The following PCDHA9 variants were observed in gnomAD, a reference collection of about 807,000 sequenced individuals.
The protein encoded by PCDHA9 is protocadherin alpha 9.
In PCDHA9, 62 loss-of-function variants were observed where a neutral mutation model predicts 62.0. The observed-to-expected ratio is 1.00, with a 90% CI of 0.81 to 1.23. The LOEUF (loss-of-function observed/expected upper bound fraction) is 1.23, where lower values mean the gene tolerates loss of function less well. PCDHA9 is among the 50% of genes most tolerant of loss of function. The probability of loss-of-function intolerance (pLI) is 0.00; values close to 1 mark genes in which losing one functional copy is unlikely to be tolerated. For missense variants in PCDHA9, 1,205 were observed against 1,249.8 expected (o/e 0.96, Z 0.54); for synonymous variants, 557 against 567.6 (o/e 0.98, Z 0.27).
At chr5:140,949,336 A>G (rs1585327315) in intron 1 of PCDHA9, among the ~76,000 whole-genome samples, 1 of 151,920 alleles carries the variant, frequency 6.6e-6, no homozygotes, top group South Asian at 2.1e-4. Context: ...ATTGTTATCC[A>G]GATTTTCTGT....
In PCDHA9 at chr5:140,968,167, A is replaced by G. The variant is rs782252124; in HGVS notation, c.2395-10782A>G. 1.3e-4 allele frequency: 217 copies of G among 1,613,958 alleles called. 1 individual carries two copies. The highest frequency in any genetic ancestry group is 9.3e-6 in the Non-Finnish European group (11 of 1,180,038). On this transcript the variant is annotated intron_variant, in intron 1 of 3. Transcript: ENST00000532602. ...TCTCTGACATCAATGACAATCCACC[A>G]AGCTTCCTGGAGGACTCCTATTCCA...
At chr5:140,924,906 TA>T (rs1284498744) in intron 1 of PCDHA9, among the ~76,000 whole-genome samples, 1 of 55,776 alleles carries the variant, frequency 1.8e-5, no homozygotes, top group African/African-American at 8.7e-5. Flanking sequence ...AAAAAAAAAA[TA>T]AAATAAAATA....
chr5:140,862,092 C>G (rs987479365), intron 1 of PCDHA9: 1 of 156,922 alleles, frequency 6.4e-6, no homozygotes, highest in African/African-American at 2.4e-5. Context: ...AGCCCTTTTT[C>G]GCATAGATTC....
At chr5:140,967,511 G>T (rs1402187059) in intron 1 of PCDHA9, 2 of 1,612,876 alleles carry the variant, frequency 1.2e-6, no homozygotes, top group Non-Finnish European at 8.5e-7. Flanking sequence ...GCGTGTCCTG[G>T]ACACTAACGA....
intron 1 of PCDHA9, among the ~76,000 whole-genome samples, chr5:140,942,138 T>C (rs1269073266): frequency 1.3e-5 from 2 of 152,240 alleles, no homozygotes; most frequent in African/African-American, 4.8e-5. Flanking sequence ...TTTGTGGCTT[T>C]ACTTGACATA....
chr5:140,882,265 T>C, intron 1 of PCDHA9: 1 of 1,609,948 alleles, frequency 6.2e-7, no homozygotes, highest in Non-Finnish European at 8.5e-7. Flanking sequence ...TTTTGGAGTG[T>C]ACCATGCTGT....
At chr5:140,920,184 AAT>A (rs782376164) in intron 1 of PCDHA9, among the ~76,000 whole-genome samples, 19 of 152,348 alleles carry the variant, frequency 1.2e-4, no homozygotes, top group East Asian at 9.6e-4. Context: ...AGTGTGTAGT[AAT>A]TTGTCACAGC....
chr5:140,899,056 G>C (rs1370417194), intron 1 of PCDHA9, among the ~76,000 whole-genome samples: 14 of 152,060 alleles, frequency 9.2e-5, no homozygotes, highest in Non-Finnish European at 2.9e-5. Flanking sequence ...CTGAGACTTT[G>C]CTGAAGTTGC....
At chr5:140,875,893 C>T (rs781840611) in intron 1 of PCDHA9, 1 of 1,614,140 alleles carries the variant, frequency 6.2e-7, no homozygotes, top group Non-Finnish European at 8.5e-7. Flanking sequence ...ACAAAAGGTA[C>T]CTGTTTCTGA....
At chr5:140,885,664 A>G (rs2060680895) in intron 1 of PCDHA9, among the ~76,000 whole-genome samples, 1 of 152,174 alleles carries the variant, frequency 6.6e-6, no homozygotes, top group Non-Finnish European at 1.5e-5. Context: ...ACCAGTTATG[A>G]GCACTCTTTC....
intron 1 of PCDHA9, chr5:140,968,059 G>A (rs1554230273): frequency 6.2e-7 from 1 of 1,614,106 alleles, no homozygotes; most frequent in South Asian, 1.1e-5. Context: ...ACCGAGAGCG[G>A]GTGGCTGTCT....
intron 1 of PCDHA9, among the ~76,000 whole-genome samples, chr5:140,918,821 GC>G (rs35355209): frequency 0.76 from 114,950 of 152,064 alleles, 44,573 homozygotes; most frequent in African/African-American, 0.94. Flanking sequence ...CCAAAAAGTG[GC>G]CCCCTCCCCA....
intron 1 of PCDHA9, among the ~76,000 whole-genome samples, chr5:140,879,151 T>C (rs1409921025): frequency 6.6e-6 from 1 of 152,216 alleles, no homozygotes; most frequent in Non-Finnish European, 1.5e-5. Flanking sequence ...GCAGGAAAGC[T>C]ATTTCTTTTT....
Position 140,858,578 on chromosome 5 carries a change from A to T in PCDHA9, c.2394+7689A>T. On this transcript the variant is annotated intron_variant, in intron 1 of 3. Coordinates refer to ENST00000532602, the MANE Select transcript of PCDHA9 (RefSeq NM_031857.2). ...GAATATTTCTAGTGATACCTTTGTA[A>T]TATAATTTATTCCAGGAGTTTTAAA... 3 of 1,350,438 alleles carry T rather than the reference A, an allele frequency of 2.2e-6. No homozygotes were observed. The South Asian group carries it at 4.1e-5, about 18-fold the overall frequency. 83.7% of individuals were successfully genotyped at this position (1,350,438 alleles called of 1,614,324 possible). A position where few individuals can be genotyped will look rare whatever the true frequency, so the allele number is the denominator to read the frequency against.
chr5:140,922,342 A>G (rs1256854965), intron 1 of PCDHA9, among the ~76,000 whole-genome samples: 2 of 152,184 alleles, frequency 1.3e-5, no homozygotes, highest in East Asian at 3.8e-4. Flanking sequence ...GTATATTGGT[A>G]TTTTCTAGAG....
At chr5:140,889,414 C>T (rs1014981678) in intron 1 of PCDHA9, among the ~76,000 whole-genome samples, 3 of 151,934 alleles carry the variant, frequency 2.0e-5, no homozygotes, top group Admixed American at 6.6e-5. Flanking sequence ...GAGTCAGTTA[C>T]GTAGATAATA....
At chr5:140,889,273 T>C (rs1307102398) in intron 1 of PCDHA9, among the ~76,000 whole-genome samples, 3 of 152,054 alleles carry the variant, frequency 2.0e-5, no homozygotes, top group Admixed American at 6.5e-5. Flanking sequence ...GTATAATCTT[T>C]GAATTACTTC....
chr5:140,856,635 G>A (rs1341590061), intron 1 of PCDHA9: 5 of 1,597,884 alleles, frequency 3.1e-6, no homozygotes, highest in South Asian at 1.1e-5. Context: ...CTTGTTCTGC[G>A]GAAGCTGCTG....
intron 1 of PCDHA9, chr5:140,865,130 T>G (rs1221612986): frequency 3.3e-5 from 5 of 152,216 alleles, no homozygotes; most frequent in African/African-American, 1.2e-4. Flanking sequence ...TAATTATACC[T>G]TAGAATTTAA....
Sources: allele counts gnomAD v4.1 joint callset (sites outside exome capture counted in the v4.1 genomes callset), GRCh38; gene constraint gnomAD v4.1.1; transcripts MANE v1.5; gene names NCBI Gene and HGNC (gene_info 2026-07-23, HGNC 2026-07-21).